SH3BGR: variants seen among roughly 807,000 people sequenced by gnomAD.
SH3BGR encodes the protein SH3 domain binding glutamate rich protein, also known as SH3 domain-binding glutamic acid-rich protein.
Under a neutral mutation model 24.5 loss-of-function variants are expected in SH3BGR, and 29 were observed. That is an observed-to-expected ratio of 1.18 (90% CI 0.88 to 1.61). SH3BGR has a LOEUF of 1.61. SH3BGR is among the 40% of genes most tolerant of loss of function. The pLI, the probability that SH3BGR is intolerant of heterozygous loss-of-function variation, is 0.00. For missense variants in SH3BGR, 162 were observed against 205.8 expected, an observed-to-expected ratio of 0.79 and a Z score of 1.30; for synonymous variants, 55 against 65.7, an observed-to-expected ratio of 0.84 and a Z score of 0.79.
intron 3 of SH3BGR, among the ~76,000 whole-genome samples, chr21:39,495,806 C>T (rs75783507): frequency 0.075 from 11,406 of 152,036 alleles, 557 homozygotes; most frequent in Non-Finnish European, 0.12. Context: ...AAAATATTAG[C>T]GAAATATATT....
chr21:39,511,940 T>G lies in SH3BGR; in HGVS notation c.*34+131T>G, dbSNP rs963544651. ...TGTCTGTCTCCTTCCAAAGCCCTGG[T>G]CTGCACACCTTTCTGGCGGGGTCCA... is the stretch of plus-strand genomic sequence containing the variant. On this transcript the variant is annotated intron_variant, in intron 6 of 6. Transcript: ENST00000333634. This position sits in a 1 kb window ranked among gnomAD's most constrained non-coding sequence, Gnocchi z 4.2. 6.2e-6 allele frequency: 5 copies of G among 801,198 alleles called. No homozygotes were observed. Among genetic ancestry groups the G allele is most frequent in the Non-Finnish European group, 9.2e-6 (5 of 544,618 alleles). 49.6% of individuals were successfully genotyped at this position (801,198 alleles called of 1,614,324 possible). A position where few individuals can be genotyped will look rare whatever the true frequency, so the allele number is the denominator to read the frequency against.
At chr21:39,473,976 GT>G (rs558596182) in intron 2 of SH3BGR, among the ~76,000 whole-genome samples, 2 of 152,018 alleles carry the variant, frequency 1.3e-5, no homozygotes, top group Non-Finnish European at 2.9e-5. Flanking sequence ...GATTTTGTGG[GT>G]TTTTTTGTGA....
chr21:39,493,408 C>G (rs531873907), intron 3 of SH3BGR, among the ~76,000 whole-genome samples: 4 of 152,244 alleles, frequency 2.6e-5, no homozygotes, highest in Non-Finnish European at 4.4e-5. Context: ...TTTGCTTTGT[C>G]AAAGATCGTT....
At position 39,511,419 on chromosome 21, in the gene SH3BGR, TG is replaced by T. The variant is rs112545004; in HGVS notation, c.436-254del. ...CGTGGATGTGTGTCTGGGTGGTGTG[TG>T]GGGGGGTGTGTGTGCTGTGTGTCAT... On this transcript the variant is annotated intron_variant, in intron 5 of 6. Transcript: ENST00000333634. The surrounding 1 kb of genome is among the most constrained non-coding windows in gnomAD (Gnocchi z 4.2). Among the ~76,000 whole-genome samples, 496 of 149,456 alleles carry T rather than the reference TG, an allele frequency of 3.3e-3. 4 individuals are homozygous for T. The highest frequency in any genetic ancestry group is 0.012 in the African/African-American group (470 of 40,614).
intron 4 of SH3BGR, among the ~76,000 whole-genome samples, chr21:39,501,600 A>G (rs549736201): frequency 2.4e-4 from 37 of 152,350 alleles, no homozygotes; most frequent in Admixed American, 7.8e-4. Context: ...AATGCCATTT[A>G]TCCTACAGAA....
intron 3 of SH3BGR, among the ~76,000 whole-genome samples, chr21:39,499,343 T>C (rs1472739126): frequency 2.6e-5 from 4 of 152,108 alleles, no homozygotes; most frequent in Non-Finnish European, 5.9e-5. Context: ...TGTCTGTCTG[T>C]CTCTGAACAT....
intron 6 of SH3BGR, among the ~76,000 whole-genome samples, chr21:39,512,288 A>G (rs2078708942): frequency 6.6e-6 from 1 of 152,164 alleles, no homozygotes; most frequent in South Asian, 2.1e-4. Context: ...GTGTTGAGTC[A>G]TGAAAGAAAA....
In SH3BGR at chr21:39,498,506, G is replaced by T. The variant is rs151125821; in HGVS notation, c.313-1317G>T. On this transcript the variant is annotated intron_variant, in intron 3 of 6. Transcript: ENST00000333634. ...ATGACTGCCCTACCTACTTAGTGAA[G>T]ATTAAGGATGAAGAGAAATATAGTT... 2.6e-5 allele frequency among the ~76,000 whole-genome samples: 4 copies of T among 152,290 alleles called. No individual in the cohort carries two copies. The East Asian group carries it at 7.7e-4, about 29-fold the overall frequency.
intron 2 of SH3BGR, among the ~76,000 whole-genome samples, chr21:39,472,246 G>A (rs1455982132): frequency 6.6e-6 from 1 of 152,134 alleles, no homozygotes; most frequent in Admixed American, 6.5e-5. Flanking sequence ...GTCCAAGATC[G>A]AGGGGCAGCA....
At chr21:39,499,764 GTT>G in intron 3 of SH3BGR, 57 bp from the exon 4 acceptor site, 8 of 1,041,516 alleles carry the variant, frequency 7.7e-6, no homozygotes, top group Middle Eastern at 2.5e-4. Context: ...TATGTGGCCT[GTT>G]TTTTTTTTTC....
Position 39,511,837 on chromosome 21 carries a change from G to C in SH3BGR, c.*34+28G>C, listed in dbSNP as rs1370342097. On this transcript the variant is annotated intron_variant, in intron 6 of 6. Transcript: ENST00000333634. This position sits in a 1 kb window ranked among gnomAD's most constrained non-coding sequence, Gnocchi z 4.2. Reference sequence around the variant, plus strand: ...AGCTACAGGATTCTGGGGTGGAAAAGCTGCTAGTTACCGTACTGTATGCTA... The same window carrying C: ...AGCTACAGGATTCTGGGGTGGAAAACCTGCTAGTTACCGTACTGTATGCTA... 6.3e-7 allele frequency: 1 copy of C among 1,581,912 alleles called. No individual in the cohort carries two copies. The highest frequency in any genetic ancestry group is 8.6e-7 in the Non-Finnish European group (1 of 1,167,926).
At chr21:39,509,602 G>A (rs1222966694) in intron 5 of SH3BGR, among the ~76,000 whole-genome samples, 1 of 151,004 alleles carries the variant, frequency 6.6e-6, no homozygotes, top group African/African-American at 2.4e-5. Context: ...AGCCTTCTGA[G>A]TAGCTGGAAT....
chr21:39,484,957 G>A (rs1420833253), intron 3 of SH3BGR, among the ~76,000 whole-genome samples: 1 of 152,182 alleles, frequency 6.6e-6, no homozygotes, highest in Non-Finnish European at 1.5e-5. Flanking sequence ...GCTAAAAATA[G>A]GTACTCTTGA....
In SH3BGR at chr21:39,515,198, T is replaced by C. The variant is rs1209554680; in HGVS notation, c.*145T>C. 2 of 461,946 alleles carry C rather than the reference T, an allele frequency of 4.3e-6. No homozygotes were observed. The highest frequency in any genetic ancestry group is 4.9e-5 in the Admixed American group (2 of 41,000). The allele number at this position is 461,946 out of a possible 1,614,324, so 28.6% of individuals were successfully genotyped here. A position where few individuals can be genotyped will look rare whatever the true frequency, so the allele number is the denominator to read the frequency against. ...AGGGTTACTGAGGACTTATGCTGCC[T>C]GACCTGGTTAGATGTACATGGAGGT... On this transcript the variant is annotated 3_prime_UTR_variant, in exon 7 of 7. Coordinates refer to ENST00000333634, the MANE Select transcript of SH3BGR (RefSeq NM_007341.3).
At chr21:39,477,960 T>C (rs1018253064) in intron 3 of SH3BGR, among the ~76,000 whole-genome samples, 2 of 152,214 alleles carry the variant, frequency 1.3e-5, no homozygotes, top group African/African-American at 4.8e-5. Context: ...CTGAGCTAAT[T>C]AACATCTGCC....
intron 1 of SH3BGR, among the ~76,000 whole-genome samples, chr21:39,459,632 A>G (rs2077722266): frequency 1.3e-5 from 2 of 152,022 alleles, no homozygotes; most frequent in South Asian, 4.2e-4. Flanking sequence ...TCCCAGGCTC[A>G]AGTGATCTTC....
intron 1 of SH3BGR, among the ~76,000 whole-genome samples, chr21:39,454,810 C>A (rs183190576): frequency 1.3e-5 from 2 of 152,340 alleles, no homozygotes; most frequent in East Asian, 3.8e-4. Flanking sequence ...ATCCAAATAC[C>A]TACCTAGATG....
chr21:39,478,459 T>A (rs1216308995), intron 3 of SH3BGR, among the ~76,000 whole-genome samples: 2 of 152,222 alleles, frequency 1.3e-5, no homozygotes, highest in Non-Finnish European at 2.9e-5. Flanking sequence ...GATTTTAGGG[T>A]CCAATTTTTT....
rs145596033 is a variant in SH3BGR, at chr21:39,502,498, A to G, written c.405+2583A>G. Among the ~76,000 whole-genome samples the G allele has an allele frequency of 1.6e-3, 244 of 152,278 alleles. 1 individual carries two copies. Among genetic ancestry groups the G allele is most frequent in the African/African-American group, 5.6e-3 (234 of 41,558 alleles). ...CATTAACCAACACGCTGCGGTGGAT[A>G]TAAAGTTTAGAATATTCGTGGGCCC... On this transcript the variant is annotated intron_variant, in intron 4 of 6. Transcript: ENST00000333634.
Sources: gnomAD v4.1 joint callset for allele counts (sites outside exome capture counted in the v4.1 genomes callset) on GRCh38, gnomAD v4.1.1 for gene constraint, Gnocchi (gnomAD v3.1) non-coding constraint, MANE v1.5 for transcripts, NCBI Gene and HGNC (gene_info 2026-07-23, HGNC 2026-07-21) for gene names.